The following NAA16 variants were observed in gnomAD, a reference collection of about 807,000 sequenced individuals.
The protein encoded by NAA16 is NARG1-like protein.
NAA16 carries 97 observed loss-of-function variants against 110.3 expected under a neutral mutation model. The ratio of observed to expected loss-of-function variants is 0.88; its 90% confidence interval spans 0.75 to 1.04. The LOEUF (loss-of-function observed/expected upper bound fraction) is 1.04. Among genes scored for constraint, NAA16 ranks in the 50% least tolerant of loss-of-function variants. NAA16 has a pLI of 0.00. For missense variants in NAA16, 1,017 were observed against 1,005.1 expected (o/e 1.01, Z -0.16); for synonymous variants, 372 against 330.6 (o/e 1.13, Z -1.36).
At chr13:41,347,579 C>T (rs1411955405) in intron 9 of NAA16, among the ~76,000 whole-genome samples, 1 of 151,958 alleles carries the variant, frequency 6.6e-6, no homozygotes, top group South Asian at 2.1e-4. Context: ...AAATTTGTTC[C>T]TAAGCATGCC....
chr13:41,343,906 G>A (rs887787703), intron 9 of NAA16, among the ~76,000 whole-genome samples: 42 of 151,964 alleles, frequency 2.8e-4, no homozygotes, highest in Non-Finnish European at 5.0e-4. Flanking sequence ...TCTTGGACTC[G>A]AGAGATTTGC....
At chr13:41,355,004 C>T (rs2042946027) in intron 9 of NAA16, 140 bp from the exon 10 acceptor site, 1 of 474,122 alleles carries the variant, frequency 2.1e-6, no homozygotes, top group South Asian at 2.4e-5. Flanking sequence ...GGAATGGGGA[C>T]AAAGCAGATA....
At chr13:41,316,737 C>T in intron 1 of NAA16, 109 bp from the exon 2 acceptor site, 1 of 687,704 alleles carries the variant, frequency 1.5e-6, no homozygotes, top group Admixed American at 2.2e-5. Flanking sequence ...CTTTCTATCA[C>T]ATTTTAGACC....
At chr13:41,364,453 C>T (rs1593521703) in intron 13 of NAA16, among the ~76,000 whole-genome samples, 1 of 152,104 alleles carries the variant, frequency 6.6e-6, no homozygotes, top group East Asian at 1.9e-4. Flanking sequence ...CCAACCCAAT[C>T]TGATGTTTGA....
chr13:41,315,145 G>A (rs2139361724), intron 1 of NAA16, among the ~76,000 whole-genome samples: 1 of 152,274 alleles, frequency 6.6e-6, no homozygotes, highest in East Asian at 1.9e-4. Context: ...GAATATGTTG[G>A]GGAAGGAAGG....
At chr13:41,358,200 C>T in intron 10 of NAA16, 104 bp from the exon 11 acceptor site, 3 of 997,302 alleles carry the variant, frequency 3.0e-6, no homozygotes, top group Non-Finnish European at 4.4e-6. Flanking sequence ...GTCTTTCTTG[C>T]TTATTATTAT....
chr13:41,331,575 A>G (rs2042239539), intron 8 of NAA16, among the ~76,000 whole-genome samples: 1 of 152,084 alleles, frequency 6.6e-6, no homozygotes, highest in Non-Finnish European at 1.5e-5. Flanking sequence ...TTATCTATAT[A>G]AATATAAAAC....
At chr13:41,372,521 A>G in intron 16 of NAA16, 1 of 985,358 alleles carries the variant, frequency 1.0e-6, no homozygotes, top group Non-Finnish European at 1.2e-6. Context: ...CAACCATACA[A>G]ATTGTCTACC....
chr13:41,311,865 C>T (rs2041597102), intron 1 of NAA16, among the ~76,000 whole-genome samples: 1 of 152,240 alleles, frequency 6.6e-6, no homozygotes, highest in East Asian at 1.9e-4. Context: ...AGTGCCCGGG[C>T]ACAGCCGCCT....
intron 4 of NAA16, among the ~76,000 whole-genome samples, chr13:41,321,061 A>T (rs1246907938): frequency 6.6e-6 from 1 of 152,158 alleles, no homozygotes; most frequent in Non-Finnish European, 1.5e-5. Context: ...GCAGTTTGGG[A>T]GGTTGAGATG....
At chr13:41,319,512 A>AG (rs1292625817) in intron 3 of NAA16, among the ~76,000 whole-genome samples, 2 of 152,126 alleles carry the variant, frequency 1.3e-5, no homozygotes, top group Non-Finnish European at 2.9e-5. Flanking sequence ...TGTGTAAAAA[A>AG]AAATTTTTTT....
intron 18 of NAA16, chr13:41,374,008 C>A: frequency 4.1e-6 from 2 of 490,602 alleles, no homozygotes; most frequent in South Asian, 5.4e-5. Flanking sequence ...TGATAACGGG[C>A]AAATACTTTT....
intron 8 of NAA16, among the ~76,000 whole-genome samples, chr13:41,335,117 C>G (rs906387593): frequency 6.6e-6 from 1 of 152,134 alleles, no homozygotes; most frequent in Admixed American, 6.5e-5. Flanking sequence ...AGGAGGAGTT[C>G]AGAGTGGCTT....
intron 7 of NAA16, among the ~76,000 whole-genome samples, chr13:41,330,399 T>C (rs1280557796): frequency 6.6e-6 from 1 of 152,036 alleles, no homozygotes; most frequent in Non-Finnish European, 1.5e-5. Flanking sequence ...CCTTGTCTGC[T>C]AGCACCCAGG....
rs71086562 is a variant in NAA16, at chr13:41,324,363, C to CT, written c.537+1203dup. 6.6e-3 allele frequency among the ~76,000 whole-genome samples: 438 copies of CT among 66,066 alleles called. 16 individuals carry two copies. The highest frequency in any genetic ancestry group is 0.011 in the Middle Eastern group (1 of 94). The allele number at this position is 66,066 out of a possible 152,430, so 43.3% of individuals were successfully genotyped here. On this transcript the variant is annotated intron_variant, in intron 5 of 19. Transcript: ENST00000379406. The stretch of plus-strand genomic sequence containing the variant: ...TTAGGTGTTTGCAATTTCTTTCTTT[C>CT]TTTTTTTTTTTTTTTTTTTTTTTTT...
At chr13:41,350,049 C>T (rs1313521025) in intron 9 of NAA16, among the ~76,000 whole-genome samples, 2 of 151,254 alleles carry the variant, frequency 1.3e-5, no homozygotes, top group African/African-American at 4.9e-5. Flanking sequence ...TTTGGGAGTC[C>T]AAGGCAGGAG....
At chr13:41,357,231 G>A (rs2043010076) in intron 10 of NAA16, among the ~76,000 whole-genome samples, 1 of 152,210 alleles carries the variant, frequency 6.6e-6, no homozygotes, top group South Asian at 2.1e-4. Context: ...TGAGGCATGA[G>A]GATCACTGGA....
intron 7 of NAA16, among the ~76,000 whole-genome samples, chr13:41,330,184 TTTTG>T (rs2042200269): frequency 6.6e-6 from 1 of 151,954 alleles, no homozygotes; most frequent in Non-Finnish European, 1.5e-5. Flanking sequence ...CGAGGTTTTT[TTTTG>T]TTTTTTTGTT....
At chr13:41,351,950 A>C (rs2042847265) in intron 9 of NAA16, among the ~76,000 whole-genome samples, 1 of 152,260 alleles carries the variant, frequency 6.6e-6, no homozygotes, top group Non-Finnish European at 1.5e-5. Context: ...ATAAATGGTA[A>C]GTAAACTTGA....
Sources: gnomAD v4.1 joint callset for allele counts (sites outside exome capture counted in the v4.1 genomes callset) on GRCh38, gnomAD v4.1.1 for gene constraint, MANE v1.5 for transcripts, NCBI Gene and HGNC (gene_info 2026-07-23, HGNC 2026-07-21) for gene names.